LMBR1: variants seen among roughly 807,000 people sequenced by gnomAD.
The protein encoded by LMBR1 is limb development membrane protein 1.
Under a neutral mutation model 73.9 loss-of-function variants are expected in LMBR1, and 52 were observed. The observed-to-expected ratio is 0.70, with a 90% confidence interval of 0.56 to 0.89. The LOEUF (loss-of-function observed/expected upper bound fraction) is 0.89. Ranked by LOEUF, LMBR1 falls within the 40% of genes least tolerant of loss-of-function variation. The pLI, the probability that LMBR1 is intolerant of heterozygous loss-of-function variation, is 0.00. For synonymous variants in LMBR1, 215 were observed against 209.4 expected (o/e 1.03, Z -0.23); for missense variants, 539 against 579.8 (o/e 0.93, Z 0.72).
rs113403691 is a variant in LMBR1, at chr7:156,708,419, G to T, written c.1225+15693C>A. ...AAAGGATTTAACCTTACTTAGAGTT[G>T]AAATAGATTCAGGGAGCCACACAAA... On this transcript the variant is annotated intron_variant, in intron 15 of 16. Coordinates refer to ENST00000353442, the MANE Select transcript of LMBR1 (RefSeq NM_022458.4). Among the ~76,000 whole-genome samples the T allele has an allele frequency of 6.0e-3, 910 of 152,258 alleles. 20 individuals carry two copies. The South Asian group carries it at 0.079, about 13-fold the overall frequency.
intron 15 of LMBR1, among the ~76,000 whole-genome samples, chr7:156,713,789 T>A (rs1224422448): frequency 1.3e-5 from 2 of 152,214 alleles, no homozygotes; most frequent in East Asian, 3.8e-4. Flanking sequence ...AATAAAGCTG[T>A]TAAAATGCAT....
intron 8 of LMBR1, among the ~76,000 whole-genome samples, chr7:156,759,806 C>T (rs541039398): frequency 6.6e-6 from 1 of 152,260 alleles, no homozygotes; most frequent in East Asian, 1.9e-4. Flanking sequence ...GAGAGCACAC[C>T]TGCACAGGGG....
intron 15 of LMBR1, among the ~76,000 whole-genome samples, chr7:156,719,083 T>C (rs1335839468): frequency 3.3e-5 from 5 of 151,550 alleles, no homozygotes; most frequent in South Asian, 2.1e-4. Flanking sequence ...GCTGCACCCA[T>C]TAACTCGTCA....
chr7:156,782,018 G>A (rs1827220259), intron 5 of LMBR1, among the ~76,000 whole-genome samples: 1 of 152,126 alleles, frequency 6.6e-6, no homozygotes, highest in African/African-American at 2.4e-5. Context: ...CAACCACTAT[G>A]CTACTTTCTG....
chr7:156,826,162 T>C (rs563379489), intron 4 of LMBR1, among the ~76,000 whole-genome samples: 8 of 152,186 alleles, frequency 5.3e-5, no homozygotes, highest in Admixed American at 1.3e-4. Context: ...ATATTTTTAG[T>C]AGAGACAGGG....
chr7:156,699,714 A>G (rs1054388626), intron 15 of LMBR1, among the ~76,000 whole-genome samples: 2 of 152,132 alleles, frequency 1.3e-5, no homozygotes, highest in Non-Finnish European at 2.9e-5. Flanking sequence ...TACAAGAAAA[A>G]AACAACCCCA....
At chr7:156,813,621 G>C (rs988789801) in intron 4 of LMBR1, among the ~76,000 whole-genome samples, 6 of 152,044 alleles carry the variant, frequency 3.9e-5, no homozygotes, top group Non-Finnish European at 8.8e-5. Context: ...CATTTCTACA[G>C]TGGGCCTCCA....
chr7:156,831,633 C>G (rs111905987), intron 3 of LMBR1, among the ~76,000 whole-genome samples: 1 of 152,256 alleles, frequency 6.6e-6, no homozygotes, highest in South Asian at 2.1e-4. Flanking sequence ...CCCCAGGATA[C>G]AGAAACCACC....
intron 1 of LMBR1, among the ~76,000 whole-genome samples, chr7:156,867,831 A>G (rs2134268694): frequency 6.6e-6 from 1 of 152,320 alleles, no homozygotes; most frequent in African/African-American, 2.4e-5. Context: ...TGAGATAATG[A>G]AAATGTTCTA....
chr7:156,690,569 G>T (rs1196130498), intron 15 of LMBR1, among the ~76,000 whole-genome samples: 1 of 152,168 alleles, frequency 6.6e-6, no homozygotes, highest in Non-Finnish European at 1.5e-5. Context: ...ACTCAACTTG[G>T]TATCTTGAGA....
In LMBR1 at chr7:156,682,292, G is replaced by GTC. The variant is rs35765850; in HGVS notation, c.*1785_*1786insGA. 1 of 152,156 alleles carries GTC rather than the reference G, an allele frequency of 6.6e-6. No individual in the cohort carries two copies. Among genetic ancestry groups the GTC allele is most frequent in the Non-Finnish European group, 1.5e-5 (1 of 68,034 alleles). 9.4% of individuals were successfully genotyped at this position (152,156 alleles called of 1,614,324 possible). A position where few individuals can be genotyped will look rare whatever the true frequency, so the allele number is the denominator to read the frequency against. ...CTCTTTGGATGTGCCTGAAAGTGGT[G>GTC]TAAGTGAGAAGTGATATTACTCTAC... On this transcript the variant is annotated 3_prime_UTR_variant, in exon 17 of 17. Coordinates refer to ENST00000353442, the MANE Select transcript of LMBR1 (RefSeq NM_022458.4).
At chr7:156,891,528 G>C (rs1195626613) in intron 1 of LMBR1, among the ~76,000 whole-genome samples, 1 of 152,048 alleles carries the variant, frequency 6.6e-6, no homozygotes, top group Non-Finnish European at 1.5e-5. Flanking sequence ...TAGAAGCCAG[G>C]GCAACGTTTA....
At chr7:156,890,771 T>C (rs1039049764) in intron 1 of LMBR1, among the ~76,000 whole-genome samples, 1 of 152,144 alleles carries the variant, frequency 6.6e-6, no homozygotes, top group African/African-American at 2.4e-5. Flanking sequence ...TACAACCACT[T>C]TGGAAAATTG....
intron 4 of LMBR1, among the ~76,000 whole-genome samples, chr7:156,817,492 C>G (rs912378381): frequency 2.0e-5 from 3 of 146,942 alleles, no homozygotes; most frequent in African/African-American, 7.4e-5. Flanking sequence ...TAAAAAGAGA[C>G]AGAGAGAGAG....
At chr7:156,840,213 G>A (rs1338267169) in intron 1 of LMBR1, among the ~76,000 whole-genome samples, 1 of 152,174 alleles carries the variant, frequency 6.6e-6, no homozygotes, top group Non-Finnish European at 1.5e-5. Flanking sequence ...CAAAGTTATA[G>A]CCCTCATGGA....
At chr7:156,891,212 ATATATATAT>A (rs573345340) in intron 1 of LMBR1, among the ~76,000 whole-genome samples, 42 of 44,444 alleles carry the variant, frequency 9.5e-4, no homozygotes, top group African/African-American at 1.2e-3. Context: ...AAAAAAAAAA[ATATATATAT>A]ATATATATAT....
At chr7:156,881,305 T>C (rs1801049222) in intron 1 of LMBR1, among the ~76,000 whole-genome samples, 2 of 152,104 alleles carry the variant, frequency 1.3e-5, no homozygotes, top group Non-Finnish European at 2.9e-5. Context: ...AAAAATGCAG[T>C]CTTCTCTTAC....
chr7:156,738,752 C>T (rs1331708283), intron 9 of LMBR1, among the ~76,000 whole-genome samples: 1 of 152,104 alleles, frequency 6.6e-6, no homozygotes, highest in East Asian at 1.9e-4. Flanking sequence ...AAGTGGGGGA[C>T]TCAGTTCTGG....
At chr7:156,762,071 A>G in intron 8 of LMBR1, 63 bp downstream of exon 8, 2 of 917,842 alleles carry the variant, frequency 2.2e-6, no homozygotes, top group Non-Finnish European at 3.5e-6. Context: ...TCACAATATC[A>G]AAGACAATCA....
Sources: allele counts gnomAD v4.1 joint callset (sites outside exome capture counted in the v4.1 genomes callset), GRCh38; gene constraint gnomAD v4.1.1; transcripts MANE v1.5; gene names NCBI Gene and HGNC (gene_info 2026-07-23, HGNC 2026-07-21).